Variants in SEC16A observed in about 807,000 individuals in gnomAD.
SEC16A encodes SEC16 homolog A, endoplasmic reticulum export factor.
A neutral mutation model predicts 221.9 loss-of-function variants in SEC16A; 110 were observed. The observed-to-expected ratio is 0.50, with a 90% confidence interval of 0.42 to 0.58. The LOEUF is 0.58. SEC16A is among the 20% of genes least tolerant of loss of function. The pLI is 0.00. For missense variants in SEC16A, 3,165 were observed against 3,097.8 expected (o/e 1.02, Z -0.52); for synonymous variants, 1,393 against 1,257.7 (o/e 1.11, Z -2.28).
Position 136,455,755 on chromosome 9 carries a change from CG to C in SEC16A, c.5702del (p.Pro1901ArgfsTer87). The C allele has an allele frequency of 6.2e-7, 1 of 1,600,486 alleles. No homozygotes were observed. Among genetic ancestry groups the C allele is most frequent in the Non-Finnish European group, 8.5e-7 (1 of 1,173,888 alleles). Reference sequence around the variant, plus strand: ...AACTCGGAGTGCCAGGACACTGCTGCGGGAGGGCTCCATCCTGATGCCATAC... The same window carrying C: ...AACTCGGAGTGCCAGGACACTGCTGCGGAGGGCTCCATCCTGATGCCATAC... ...AGVWHQDGAL[P>X]QQCPGTPSSE... On this transcript the variant is annotated frameshift_variant, in exon 20 of 32. Coordinates refer to ENST00000684901, the MANE Select transcript of SEC16A (RefSeq NM_014866.2). LOFTEE classifies it high-confidence loss of function.
At chr9:136,452,769 G>GGAAA (rs1265008878) in intron 22 of SEC16A, among the ~76,000 whole-genome samples, 27 of 77,942 alleles carry the variant, frequency 3.5e-4, no homozygotes, top group African/African-American at 1.4e-3. Context: ...ATGTCTTAGG[G>GGAAA]AAAAAAAAAA....
Position 136,466,201 on chromosome 9 carries a change from T to C in SEC16A, c.4128+63A>G, listed in dbSNP as rs1196657415. ...GCACAGCAGTAAAACTTTAGGTACA[T>C]TGCAAACAGGATGGTGGTTCTAAAC... On this transcript the variant is annotated intron_variant, in intron 7 of 31. Coordinates refer to ENST00000684901, the MANE Select transcript of SEC16A (RefSeq NM_014866.2). The surrounding 1 kb of genome is among the most constrained non-coding windows in gnomAD (Gnocchi z 5.5). 1.5e-5 allele frequency: 23 copies of C among 1,569,610 alleles called. No individual in the cohort carries two copies. The highest frequency in any genetic ancestry group is 9.4e-5 in the South Asian group (8 of 85,112).
In SEC16A at chr9:136,476,755, T is replaced by C; in HGVS notation, c.861A>G (p.Gln287=). ...AGTTATTGGCCAGGTGGCTTCCACT[T>C]TGCAAGTGGCTCACCTCGTCTCTTC... ...SDGRDEVSHL[Q]SGSHLANNSD... is the part of the protein sequence containing the mutation. Residue 287 remains glutamine (Q), a synonymous_variant, in exon 3 of 32, where the codon CAA becomes CAG. Transcript: ENST00000684901. The C allele has an allele frequency of 3.7e-6, 6 of 1,610,188 alleles. No individual in the cohort carries two copies. The highest frequency in any genetic ancestry group is 5.1e-6 in the Non-Finnish European group (6 of 1,177,336).
At chr9:136,472,247 G>A (rs1372507879) in intron 3 of SEC16A, 136 bp from the exon 4 acceptor site, 3 of 992,108 alleles carry the variant, frequency 3.0e-6, no homozygotes, top group South Asian at 1.5e-5. Flanking sequence ...CCAACAACCA[G>A]CCTGAGCTAG....
intron 13 of SEC16A, 44 bp downstream of exon 13, chr9:136,461,133 G>A (rs1370296208): frequency 6.7e-7 from 1 of 1,489,920 alleles, no homozygotes; most frequent in South Asian, 1.2e-5. Flanking sequence ...GCTACAGGGA[G>A]CCAGCAGGGC....
chr9:136,483,867 G>C (rs1589045783), upstream of SEC16A: 1 of 933,930 alleles, frequency 1.1e-6, no homozygotes, highest in East Asian at 1.2e-4. Flanking sequence ...CTGCGCGCTG[G>C]TTGCCTGGTT....
intron 5 of SEC16A, among the ~76,000 whole-genome samples, chr9:136,467,904 G>A (rs756182302): frequency 1.8e-4 from 28 of 152,230 alleles, no homozygotes; most frequent in Non-Finnish European, 3.2e-4. Context: ...CACACTGCAT[G>A]GAGGACAGAT....
At chr9:136,463,184 C>G (rs547621705) in intron 11 of SEC16A, 52 bp from the exon 12 acceptor site, 1 of 1,590,250 alleles carries the variant, frequency 6.3e-7, no homozygotes, top group Non-Finnish European at 8.5e-7. Context: ...CAGGTGAGGA[C>G]GCGTTGGACC....
intron 8 of SEC16A, 111 bp from the exon 9 acceptor site, chr9:136,464,673 C>A (rs764992605): frequency 6.2e-5 from 60 of 967,098 alleles, no homozygotes; most frequent in Non-Finnish European, 8.6e-5. Context: ...TTTATCACGA[C>A]AGACTTCCAA....
At chr9:136,455,559 C>G (rs1838517268) in intron 20 of SEC16A, 42 bp downstream of exon 20, 1 of 1,501,856 alleles carries the variant, frequency 6.7e-7, no homozygotes, top group South Asian at 1.3e-5. Flanking sequence ...CCACAGGAAG[C>G]AGGGGCTTGT....
chr9:136,483,074 G>C (rs1564557667), upstream of SEC16A: 1 of 963,242 alleles, frequency 1.0e-6, no homozygotes, highest in African/African-American at 1.8e-5. Context: ...CGCCGCCGAC[G>C]TGTCCGGCTT....
At chr9:136,457,309 G>A (rs111371831) in intron 18 of SEC16A, 135 bp downstream of exon 18, 32 of 947,654 alleles carry the variant, frequency 3.4e-5, no homozygotes, top group African/African-American at 8.3e-5. Context: ...ATCTTTATCC[G>A]CCCAAGAGGC....
At position 136,468,515 on chromosome 9, in the gene SEC16A, G is replaced by A. The variant is rs1840438761; in HGVS notation, c.3705-3C>T. On this transcript the variant is annotated splice_polypyrimidine_tract_variant and splice_region_variant and intron_variant, in intron 4 of 31. Transcript: ENST00000684901. ...AGTATCCTTCAGGATATCCTTGCCT[G>A]AAAAAACACACAGTGCTGTTAAAAC... 6.3e-7 allele frequency: 1 copy of A among 1,586,658 alleles called. No homozygotes were observed. The highest frequency in any genetic ancestry group is 8.6e-7 in the Non-Finnish European group (1 of 1,156,456).
Position 136,477,056 on chromosome 9 carries a change from C to T in SEC16A, c.560G>A (p.Ser187Asn), listed in dbSNP as rs1213750860. The T allele has an allele frequency of 1.2e-6, 2 of 1,613,854 alleles. No individual in the cohort carries two copies. Among genetic ancestry groups the T allele is most frequent in the Non-Finnish European group, 1.7e-6 (2 of 1,179,894 alleles). The part of the protein sequence containing the change: ...GNMPGLDRPL[S>N]RQNPHDGVVT... ...CACACCGTCATGTGGGTTTTGCCTG[C>T]TCAGGGGTCGGTCGAGCCCAGGCAT... The change falls in exon 3 of 32, where the codon AGC becomes AAC. Residue 187 changes from serine (S) to asparagine (N), a missense_variant. Ser to Asn is a conservative substitution (Grantham distance 46). This residue lies in a region of SEC16A where 2,030 missense variants were observed against 1,923.1 expected (regional missense o/e 1.06). Transcript: ENST00000684901.
chr9:136,457,358 C>T (rs993122674), intron 18 of SEC16A, 86 bp downstream of exon 18: 15 of 1,456,124 alleles, frequency 1.0e-5, no homozygotes, highest in African/African-American at 5.6e-5. Context: ...TCTGAACCAT[C>T]GCTACCCCCA....
In SEC16A at chr9:136,476,453, G is replaced by GA; in HGVS notation, c.1162dup (p.Ser388PhefsTer3). On this transcript the variant is annotated frameshift_variant, in exon 3 of 32. Coordinates refer to ENST00000684901, the MANE Select transcript of SEC16A (RefSeq NM_014866.2). LOFTEE classifies it high-confidence loss of function. ...ACCAGATAAGCCTGCTTTTTCAGAT[G>GA]AGAGATTCTCCTCATTTTCTGTCTC... is the stretch of plus-strand genomic sequence containing the variant. 1 of 1,613,068 alleles carries GA rather than the reference G, an allele frequency of 6.2e-7. No individual in the cohort carries two copies. Among genetic ancestry groups the GA allele is most frequent in the Non-Finnish European group, 8.5e-7 (1 of 1,179,786 alleles).
chr9:136,468,034 G>A (rs950394940), intron 5 of SEC16A, among the ~76,000 whole-genome samples: 3 of 152,354 alleles, frequency 2.0e-5, no homozygotes, highest in South Asian at 2.1e-4. Context: ...CGGGAAACAC[G>A]GCTGGTGGGA....
At chr9:136,450,356 A>G (rs2131955644) in intron 23 of SEC16A, among the ~76,000 whole-genome samples, 1 of 152,252 alleles carries the variant, frequency 6.6e-6, no homozygotes, top group East Asian at 1.9e-4. Context: ...GAACACCATT[A>G]AAAATGGAAA....
upstream of SEC16A, chr9:136,484,639 G>T (rs1450521584): frequency 7.3e-7 from 1 of 1,364,982 alleles, no homozygotes; most frequent in African/African-American, 1.5e-5. Flanking sequence ...CAGCTGGGCC[G>T]GCGGCTGGTG....
Sources: gnomAD v4.1 joint callset for allele counts (sites outside exome capture counted in the v4.1 genomes callset) on GRCh38, gnomAD v4.1.1 for gene constraint, gnomAD v4.1.1 regional missense constraint, Gnocchi (gnomAD v3.1) non-coding constraint, MANE v1.5 for transcripts, NCBI Gene and HGNC (gene_info 2026-07-23, HGNC 2026-07-21) for gene names.